Variants in CNMD observed in about 807,000 individuals in gnomAD.
CNMD encodes chondromodulin.
Under a neutral mutation model 37.5 loss-of-function variants are expected in CNMD, and 30 were observed. The ratio of observed to expected loss-of-function variants is 0.80; its 90% confidence interval spans 0.60 to 1.09. The LOEUF (loss-of-function observed/expected upper bound fraction) is 1.09. CNMD is among the 50% of genes least tolerant of loss of function. The pLI, the probability that CNMD is intolerant of heterozygous loss-of-function variation, is 0.00. For synonymous variants in CNMD, 167 were observed against 148.2 expected (o/e 1.13, Z -0.92); for missense variants, 398 against 423.9 (o/e 0.94, Z 0.54).
At chr13:52,704,932 A>C (rs1456085934) in intron 6 of CNMD, among the ~76,000 whole-genome samples, 1 of 151,840 alleles carries the variant, frequency 6.6e-6, no homozygotes, top group African/African-American at 2.4e-5. Flanking sequence ...GGTGGTGGAC[A>C]CCTGTAATTC....
At chr13:52,717,227 T>G (rs764408941) in intron 4 of CNMD, among the ~76,000 whole-genome samples, 1 of 152,220 alleles carries the variant, frequency 6.6e-6, no homozygotes, top group African/African-American at 2.4e-5. Flanking sequence ...GCTTATCAGC[T>G]TAAAGAGATT....
Position 52,703,478 on chromosome 13 carries a change from G to T in CNMD, c.*117C>A. On this transcript the variant is annotated 3_prime_UTR_variant, in exon 7 of 7. Coordinates refer to ENST00000377962, the MANE Select transcript of CNMD (RefSeq NM_007015.3). Reference sequence around the variant, plus strand: ...TCTGTTAAGAGTGTCAAGAATAACCGCTCAGGTTGAGTGTAAAAATATTTT... The same window carrying T: ...TCTGTTAAGAGTGTCAAGAATAACCTCTCAGGTTGAGTGTAAAAATATTTT... 1.5e-6 allele frequency: 1 copy of T among 663,830 alleles called. No homozygotes were observed. Among genetic ancestry groups the T allele is most frequent in the Non-Finnish European group, 2.6e-6 (1 of 388,108 alleles). The allele number at this position is 663,830 out of a possible 1,614,324, so 41.1% of individuals were successfully genotyped here.
intron 3 of CNMD, among the ~76,000 whole-genome samples, chr13:52,729,854 GT>G (rs1964633644): frequency 1.3e-5 from 2 of 151,508 alleles, no homozygotes; most frequent in African/African-American, 2.4e-5. Context: ...TATACTTTAA[GT>G]TTTTGGGTAC....
rs1034882642 is a variant in CNMD, at chr13:52,730,438, A to G, written c.354+2781T>C. Among the ~76,000 whole-genome samples the G allele has an allele frequency of 3.9e-5, 6 of 152,024 alleles. No individual in the cohort carries two copies. In the East Asian group the frequency reaches 9.6e-4, roughly 24 times the overall value. ...GGTTGAACTAGTTTACAGTCCCACC[A>G]ACAGTGTAAAAGTGTTCCTATTTCT... On this transcript the variant is annotated intron_variant, in intron 3 of 6. Coordinates refer to ENST00000377962, the MANE Select transcript of CNMD (RefSeq NM_007015.3).
At chr13:52,711,269 C>A (rs1404853305) in intron 5 of CNMD, among the ~76,000 whole-genome samples, 2 of 152,162 alleles carry the variant, frequency 1.3e-5, no homozygotes, top group South Asian at 4.1e-4. Context: ...TTGTCCTCAG[C>A]TGGAAAAGAT....
chr13:52,735,976 T>C (rs1399518670), intron 2 of CNMD, among the ~76,000 whole-genome samples: 3 of 149,206 alleles, frequency 2.0e-5, no homozygotes, highest in Non-Finnish European at 3.0e-5. Flanking sequence ...ACTACAGGCA[T>C]GCGCCACCAC....
chr13:52,734,064 G>A (rs973530233), intron 2 of CNMD, among the ~76,000 whole-genome samples: 34 of 152,232 alleles, frequency 2.2e-4, no homozygotes, highest in Admixed American at 3.3e-4. Flanking sequence ...CCATGGTGCT[G>A]TAGGGCATTT....
chr13:52,730,348 T>A (rs373450377), intron 3 of CNMD, among the ~76,000 whole-genome samples: 3 of 152,152 alleles, frequency 2.0e-5, no homozygotes. Flanking sequence ...AGTAATGGGA[T>A]GGCTGGGTCA....
rs752832077 is a variant in CNMD, at chr13:52,739,659, G to A, written c.43C>T (p.Pro15Ser). Residue 15 changes from proline to serine, a missense_variant, in exon 1 of 7, where the codon CCT (proline) becomes TCT (serine). By Grantham distance (74) the Pro-to-Ser change is moderately conservative (BLOSUM62 -1). Transcript: ENST00000377962. The surrounding 1 kb of genome is among the most constrained non-coding windows in gnomAD (Gnocchi z 5.4). ...SDKVPIALVGPDDVEFCSPPA... is the reference protein window; with the variant it reads ...SDKVPIALVGSDDVEFCSPPA... The stretch of plus-strand genomic sequence containing the variant: ...GGGCTGCAGAATTCCACGTCATCAG[G>A]TCCCACCAGGGCAATGGGAACTTTG... 1.6e-5 allele frequency: 26 copies of A among 1,614,030 alleles called. No homozygotes were observed. Among genetic ancestry groups the A allele is most frequent in the Middle Eastern group, 1.6e-4 (1 of 6,084 alleles).
At chr13:52,725,620 T>G (rs1844709511) in intron 3 of CNMD, among the ~76,000 whole-genome samples, 1 of 152,212 alleles carries the variant, frequency 6.6e-6, no homozygotes, top group Non-Finnish European at 1.5e-5. Flanking sequence ...CTGCTGCTGT[T>G]AGTTTCAGGA....
chr13:52,719,017 T>G (rs1168659721), intron 4 of CNMD, among the ~76,000 whole-genome samples: 2 of 152,218 alleles, frequency 1.3e-5, no homozygotes, highest in Non-Finnish European at 2.9e-5. Flanking sequence ...GCTCCTATAT[T>G]GGGTGCATAT....
Position 52,739,656 on chromosome 13 carries a change from C to G in CNMD, c.46G>C (p.Asp16His), listed in dbSNP as rs1422272120. The G allele has an allele frequency of 1.9e-6, 3 of 1,614,080 alleles. No individual in the cohort carries two copies. The highest frequency in any genetic ancestry group is 2.5e-6 in the Non-Finnish European group (3 of 1,180,028). The change falls in exon 1 of 7, where the codon GAT becomes CAT. Residue 16 changes from aspartate (D) to histidine (H), a missense_variant. Physicochemically the swap from Asp to His is moderately conservative, Grantham distance 81. Coordinates refer to ENST00000377962, the MANE Select transcript of CNMD (RefSeq NM_007015.3). This position sits in a 1 kb window ranked among gnomAD's most constrained non-coding sequence, Gnocchi z 5.4. Reference protein sequence around the residue: ...DKVPIALVGPDDVEFCSPPAY... With the variant: ...DKVPIALVGPHDVEFCSPPAY... ...GGGGGGCTGCAGAATTCCACGTCAT[C>G]AGGTCCCACCAGGGCAATGGGAACT...
At chr13:52,735,326 C>T (rs1852180265) in intron 2 of CNMD, among the ~76,000 whole-genome samples, 1 of 152,080 alleles carries the variant, frequency 6.6e-6, no homozygotes, top group Non-Finnish European at 1.5e-5. Context: ...TGGCAGGAAA[C>T]ACCCATGTGA....
At chr13:52,723,221 A>G (rs558772614) in intron 4 of CNMD, among the ~76,000 whole-genome samples, 1 of 152,280 alleles carries the variant, frequency 6.6e-6, no homozygotes, top group African/African-American at 2.4e-5. Context: ...CCTCCTGAGT[A>G]GCTGGGACTA....
intron 5 of CNMD, among the ~76,000 whole-genome samples, chr13:52,711,088 CG>C (rs1566219413): frequency 6.6e-6 from 1 of 152,166 alleles, no homozygotes; most frequent in Non-Finnish European, 1.5e-5. Context: ...CCTGAGGGCA[CG>C]GGTTCTTGTC....
chr13:52,733,144 G>A (rs1350712194), intron 3 of CNMD, 75 bp downstream of exon 3: 1 of 1,472,324 alleles, frequency 6.8e-7, no homozygotes, highest in Admixed American at 1.7e-5. Flanking sequence ...TGTGAGAAAC[G>A]CTGCTCCTCC....
At chr13:52,704,485 G>C (rs1259585680) in intron 6 of CNMD, among the ~76,000 whole-genome samples, 1 of 151,860 alleles carries the variant, frequency 6.6e-6, no homozygotes, top group Admixed American at 6.6e-5. Context: ...GATTACATTG[G>C]TGAAGTAAAA....
chr13:52,737,494 C>T (rs1594292944), intron 2 of CNMD, among the ~76,000 whole-genome samples: 1 of 152,272 alleles, frequency 6.6e-6, no homozygotes, highest in East Asian at 1.9e-4. Context: ...AAAAAGGGAG[C>T]TGTGCTTATT....
intron 4 of CNMD, among the ~76,000 whole-genome samples, chr13:52,722,576 T>C (rs1052054810): frequency 6.6e-6 from 1 of 152,192 alleles, no homozygotes; most frequent in African/African-American, 2.4e-5. Context: ...AGCTGAGATG[T>C]AAATCCACGT....
Sources: allele counts gnomAD v4.1 joint callset (sites outside exome capture counted in the v4.1 genomes callset), GRCh38; gene constraint gnomAD v4.1.1; non-coding constraint Gnocchi (gnomAD v3.1); transcripts MANE v1.5; gene names NCBI Gene and HGNC (gene_info 2026-07-23, HGNC 2026-07-21).